FGD4: variants seen among roughly 807,000 people sequenced by gnomAD.
FGD4 encodes the protein FYVE, RhoGEF and PH domain containing 4.
In FGD4, 42 loss-of-function variants were observed where a neutral mutation model predicts 102.0. The observed-to-expected ratio is 0.41, with a 90% CI of 0.32 to 0.53. FGD4 has a LOEUF of 0.53. Ranked by LOEUF, FGD4 falls within the 20% of genes least tolerant of loss-of-function variation. FGD4 has a pLI of 0.21. For synonymous variants in FGD4, 380 were observed against 375.7 expected (o/e 1.01, Z -0.13); for missense variants, 902 against 1,078.2 (o/e 0.84, Z 2.29).
chr12:32,478,163 T>A (rs1009421817), intron 1 of FGD4, among the ~76,000 whole-genome samples: 2 of 152,252 alleles, frequency 1.3e-5, no homozygotes, highest in African/African-American at 2.4e-5. Flanking sequence ...CGTATTGTTG[T>A]ACTTTTGATT....
chr12:32,485,018 C>T (rs912676381), intron 1 of FGD4, among the ~76,000 whole-genome samples: 1 of 152,350 alleles, frequency 6.6e-6, no homozygotes, highest in East Asian at 1.9e-4. Context: ...CCTCCTGCCT[C>T]AGCCTGTTGA....
chr12:32,407,664 A>G (rs947382504), intron 1 of FGD4, among the ~76,000 whole-genome samples: 2 of 152,012 alleles, frequency 1.3e-5, no homozygotes, highest in Admixed American at 6.6e-5. Context: ...CACTTTTTCT[A>G]TCTGTTACAG....
At chr12:32,491,686 C>T (rs1944098377) in intron 1 of FGD4, among the ~76,000 whole-genome samples, 1 of 152,112 alleles carries the variant, frequency 6.6e-6, no homozygotes, top group Non-Finnish European at 1.5e-5. Flanking sequence ...TCATATACAT[C>T]ATTATAGCCC....
intron 1 of FGD4, chr12:32,486,110 T>C: frequency 1.3e-6 from 2 of 1,528,890 alleles, no homozygotes; most frequent in Non-Finnish European, 1.7e-6. Context: ...AGAAGATTGC[T>C]GGATGTTATG....
chr12:32,563,575 C>T (rs1284203127), intron 1 of FGD4, among the ~76,000 whole-genome samples: 2 of 151,666 alleles, frequency 1.3e-5, no homozygotes, highest in East Asian at 3.9e-4. Flanking sequence ...CGGGCAGAGA[C>T]GCTCCTCACT....
chr12:32,600,396 T>C, intron 5 of FGD4: 1 of 1,256,566 alleles, frequency 8.0e-7, no homozygotes, highest in Non-Finnish European at 1.0e-6. Flanking sequence ...TTTTTGTTCT[T>C]TTTGCCTCTC....
chr12:32,462,043 A>G (rs1245159741), intron 1 of FGD4, among the ~76,000 whole-genome samples: 1 of 152,074 alleles, frequency 6.6e-6, no homozygotes, highest in Non-Finnish European at 1.5e-5. Flanking sequence ...AGTTTTAACC[A>G]TGACCTTTTA....
intron 1 of FGD4, among the ~76,000 whole-genome samples, chr12:32,411,207 G>A (rs1319773448): frequency 6.6e-6 from 1 of 151,794 alleles, no homozygotes; most frequent in Non-Finnish European, 1.5e-5. Flanking sequence ...AGGATTACAG[G>A]TGTGAGCCAC....
chr12:32,599,534 CTTTTTT>C (rs764106230), intron 5 of FGD4, among the ~76,000 whole-genome samples: 36 of 35,356 alleles, frequency 1.0e-3, no homozygotes, highest in African/African-American at 4.0e-3. Context: ...ACTAAGGCAT[CTTTTTT>C]TTTTTTTTTT....
intron 1 of FGD4, among the ~76,000 whole-genome samples, chr12:32,488,525 T>C (rs1251215657): frequency 6.7e-6 from 1 of 149,890 alleles, no homozygotes; most frequent in East Asian, 1.9e-4. Flanking sequence ...TCTTTTTTTA[T>C]TGACCCATTA....
At chr12:32,509,422 A>C (rs1241251146) in intron 1 of FGD4, among the ~76,000 whole-genome samples, 1 of 152,172 alleles carries the variant, frequency 6.6e-6, no homozygotes, top group African/African-American at 2.4e-5. Context: ...CAAAGAACAT[A>C]AATGGTTCAA....
intron 1 of FGD4, among the ~76,000 whole-genome samples, chr12:32,505,377 AC>A (rs1175441105): frequency 6.6e-6 from 1 of 152,220 alleles, no homozygotes; most frequent in African/African-American, 2.4e-5. Context: ...ATGTGAACTT[AC>A]ACAAAAGCTA....
intron 14 of FGD4, 64 bp downstream of exon 14, chr12:32,625,843 C>T (rs1950132236): frequency 1.3e-6 from 2 of 1,598,824 alleles, no homozygotes; most frequent in African/African-American, 1.3e-5. Context: ...AAGTCATCAA[C>T]TAGGGACACA....
In FGD4 at chr12:32,633,618, T is replaced by A. The variant is rs753648023; in HGVS notation, c.2242T>A (p.Cys748Ser). 3 of 1,613,414 alleles carry A rather than the reference T, an allele frequency of 1.9e-6. No individual in the cohort carries two copies. The highest frequency in any genetic ancestry group is 2.5e-6 in the Non-Finnish European group (3 of 1,179,402). ...TGATGGTGGTAAATTGAGCAAAGTT[T>A]GTAAAGACTGTTATCAAATCATAAG... is the stretch of plus-strand genomic sequence containing the variant. ...EYDGGKLSKV[C>S]KDCYQIISGF... The change falls in exon 15 of 17, where the codon TGT (cysteine) becomes AGT (serine). Residue 748 changes from cysteine (C) to serine (S), a missense_variant. By Grantham distance (112) the Cys-to-Ser change is moderately radical (BLOSUM62 -1). Around this residue, in one of 2 missense-constraint regions of FGD4, gnomAD observed 459 missense variants for 619.0 expected, o/e 0.74. Coordinates refer to ENST00000534526, the MANE Select transcript of FGD4 (RefSeq NM_001370298.3).
intron 1 of FGD4, among the ~76,000 whole-genome samples, chr12:32,561,075 G>GTTTTTTTTTTTTTT (rs1218919677): frequency 5.9e-5 from 5 of 85,180 alleles, no homozygotes; most frequent in Non-Finnish European, 8.7e-5. Flanking sequence ...GTTGGGTTTT[G>GTTTTTTTTTTTTTT]TTTTTTTTTT....
chr12:32,640,500 T>A lies in FGD4; in HGVS notation c.2679T>A (p.Asp893Glu). The A allele has an allele frequency of 6.2e-7, 1 of 1,614,080 alleles. No homozygotes were observed. Among genetic ancestry groups the A allele is most frequent in the South Asian group, 1.1e-5 (1 of 91,086 alleles). The change falls in exon 17 of 17, where the codon GAT (aspartate) becomes GAA (glutamate). Residue 893 changes from aspartate to glutamate, a missense_variant. Asp to Glu is a conservative substitution (Grantham distance 45). Around this residue, in one of 2 missense-constraint regions of FGD4, gnomAD observed 459 missense variants for 619.0 expected, o/e 0.74. Transcript: ENST00000534526. Reference protein sequence around the residue: ...GPNEHPATLDDHPEPKKKSEC With the variant: ...GPNEHPATLDEHPEPKKKSEC ...ATGAGCATCCAGCCACCTTGGATGA[T>A]CATCCTGAACCTAAGAAAAAATCAG...
chr12:32,455,610 C>T (rs1196848110), intron 1 of FGD4, among the ~76,000 whole-genome samples: 2 of 152,044 alleles, frequency 1.3e-5, no homozygotes, highest in Non-Finnish European at 1.5e-5. Flanking sequence ...AGGACATGTT[C>T]TGTGCAGCTT....
intron 1 of FGD4, among the ~76,000 whole-genome samples, chr12:32,512,588 G>C (rs1206011318): frequency 6.6e-6 from 1 of 152,150 alleles, no homozygotes; most frequent in Non-Finnish European, 1.5e-5. Flanking sequence ...ACAGAAAATT[G>C]TCAGGGTAGT....
chr12:32,596,057 T>G (rs978306842), intron 4 of FGD4, among the ~76,000 whole-genome samples: 3 of 152,232 alleles, frequency 2.0e-5, no homozygotes, highest in Non-Finnish European at 2.9e-5. Context: ...ATACCTAAGT[T>G]AGACACTGGC....
Sources: allele counts gnomAD v4.1 joint callset (sites outside exome capture counted in the v4.1 genomes callset), GRCh38; gene constraint gnomAD v4.1.1; regional missense constraint gnomAD v4.1.1; transcripts MANE v1.5; gene names NCBI Gene and HGNC (gene_info 2026-07-23, HGNC 2026-07-21).